Variants in MPLKIP observed in about 807,000 individuals in gnomAD.
MPLKIP encodes M-phase-specific PLK1-interacting protein.
MPLKIP carries 16 observed loss-of-function variants against 16.9 expected under a neutral mutation model. That is an observed-to-expected ratio of 0.94 (90% CI 0.64 to 1.43). The LOEUF (loss-of-function observed/expected upper bound fraction) is 1.43. Among genes scored for constraint, MPLKIP ranks in the 40% most tolerant of loss-of-function variants. MPLKIP has a pLI of 0.00. For missense variants in MPLKIP, 282 were observed against 237.6 expected, an observed-to-expected ratio of 1.19 and a Z score of -1.23; for synonymous variants, 126 against 98.4, an observed-to-expected ratio of 1.28 and a Z score of -1.66.
In MPLKIP at chr7:40,131,558, C is replaced by T. The variant is rs1022407970; in HGVS notation, c.*1501G>A. ...ACTAAAAATACTAAAAATACATGTT[C>T]TGGGCTGGGCACGGTGGCTCATGCC... On this transcript the variant is annotated 3_prime_UTR_variant, in exon 2 of 2. Transcript: ENST00000306984. 1.3e-5 allele frequency: 2 copies of T among 150,936 alleles called. No individual in the cohort carries two copies. The highest frequency in any genetic ancestry group is 5.0e-5 in the African/African-American group (2 of 40,310). The allele number at this position is 150,936 out of a possible 1,614,324, so 9.3% of individuals were successfully genotyped here.
In MPLKIP at chr7:40,133,160, C is replaced by T; in HGVS notation, c.439G>A (p.Asp147Asn). ...ACTGGTTCTAGGCCAGCCCAAGGAT[C>T]TTCAAGCATTGAAGGCTTGAAATAA... ...ENYFKPSMLE[D>N]PWAGLEPVSV... The change falls in exon 2 of 2, where the codon GAT becomes AAT. Residue 147 changes from aspartate (D) to asparagine (N), a missense_variant. Coordinates refer to ENST00000306984, the MANE Select transcript of MPLKIP (RefSeq NM_138701.4). 1.2e-6 allele frequency: 2 copies of T among 1,613,892 alleles called. No individual in the cohort carries two copies. The highest frequency in any genetic ancestry group is 1.7e-6 in the Non-Finnish European group (2 of 1,179,886).
At position 40,127,107 on chromosome 7, in the gene MPLKIP, T is replaced by C. The variant is rs1041190830; in HGVS notation, c.*5952A>G. ...TTCTATATACCTACTTATATCTAAG[T>C]ATATGTTCTGCTTTTAAGAGTACTA... On this transcript the variant is annotated 3_prime_UTR_variant, in exon 2 of 2. Coordinates refer to ENST00000306984, the MANE Select transcript of MPLKIP (RefSeq NM_138701.4). 1 of 152,110 alleles carries C rather than the reference T, an allele frequency of 6.6e-6. No homozygotes were observed. The highest frequency in any genetic ancestry group is 1.5e-5 in the Non-Finnish European group (1 of 68,028). 9.4% of individuals were successfully genotyped at this position (152,110 alleles called of 1,614,324 possible).
chr7:40,128,596 C>T lies in MPLKIP; in HGVS notation c.*4463G>A, dbSNP rs1787421796. ...GCTACTGAGACAGGAATTGAGATAT[C>T]TTCATCAGGCTCTTTATAATTATCA... On this transcript the variant is annotated 3_prime_UTR_variant, in exon 2 of 2. Transcript: ENST00000306984. 2 of 152,138 alleles carry T rather than the reference C, an allele frequency of 1.3e-5. No individual in the cohort carries two copies. The highest frequency in any genetic ancestry group is 4.1e-4 in the South Asian group (2 of 4,830). 9.4% of individuals were successfully genotyped at this position (152,138 alleles called of 1,614,324 possible). A position where few individuals can be genotyped will look rare whatever the true frequency, so the allele number is the denominator to read the frequency against.
chr7:40,134,086 TA>T, intron 1 of MPLKIP, 142 bp downstream of exon 1: 1 of 920,798 alleles, frequency 1.1e-6, no homozygotes, highest in Non-Finnish European at 1.6e-6. Context: ...TCAACTTCTC[TA>T]AGCCTCAGTT....
chr7:40,134,408 A>C lies in MPLKIP; in HGVS notation c.160T>G (p.Tyr54Asp), dbSNP rs1246636691. ...CCGTACGGCCTAGACCGGGGCCCGT[A>C]CGGCGGCGTGTGGTGCGGACTCCCG... ...GYGSPHHTPPYGPRSRPYGSS... is the reference protein window; with the variant it reads ...GYGSPHHTPPDGPRSRPYGSS... The change falls in exon 1 of 2, where the codon TAC becomes GAC. Residue 54 changes from tyrosine to aspartate, a missense_variant. By Grantham distance (160) the Tyr-to-Asp change is radical (BLOSUM62 -3). Coordinates refer to ENST00000306984, the MANE Select transcript of MPLKIP (RefSeq NM_138701.4). 1.3e-6 allele frequency: 2 copies of C among 1,562,902 alleles called. No individual in the cohort carries two copies. The highest frequency in any genetic ancestry group is 1.7e-6 in the Non-Finnish European group (2 of 1,155,672).
rs569148158 is a variant in MPLKIP at position 40,129,243 on chromosome 7, C to A, written c.*3816G>T. 1 of 145,674 alleles carries A rather than the reference C, an allele frequency of 6.9e-6. No homozygotes were observed. The highest frequency in any genetic ancestry group is 1.5e-5 in the Non-Finnish European group (1 of 67,374). 9.0% of individuals were successfully genotyped at this position (145,674 alleles called of 1,614,324 possible). A position where few individuals can be genotyped will look rare whatever the true frequency, so the allele number is the denominator to read the frequency against. The stretch of plus-strand genomic sequence containing the variant: ...CATCTGAATTCTGAACATCTCCACA[C>A]GGGCCAATATAACTTATTTTTTTTT... On this transcript the variant is annotated 3_prime_UTR_variant, in exon 2 of 2. Transcript: ENST00000306984.
Position 40,134,448 on chromosome 7 carries a change from G to T in MPLKIP, c.120C>A (p.Ser40=), listed in dbSNP as rs769783319. 885 of 1,568,270 alleles carry T rather than the reference G, an allele frequency of 5.6e-4. No individual in the cohort carries two copies. The highest frequency in any genetic ancestry group is 7.4e-4 in the Non-Finnish European group (854 of 1,158,518). ...TPGGGGPRPP[S]PRDGYGSPHH... is the part of the protein sequence containing the mutation. ...GCGGACTCCCGTACCCGTCTCGAGG[G>T]GAGGGCGGCCGTGGTCCGCCCCCGC... The change falls in exon 1 of 2, where the codon TCC becomes TCA. Residue 40 remains serine (S), a synonymous_variant. Coordinates refer to ENST00000306984, the MANE Select transcript of MPLKIP (RefSeq NM_138701.4).
In MPLKIP at chr7:40,134,303, A is replaced by G. The variant is rs1004731080; in HGVS notation, c.265T>C (p.Ser89Pro). 2.6e-6 allele frequency: 4 copies of G among 1,557,064 alleles called. No homozygotes were observed. The Admixed American group carries it at 7.7e-5, about 30-fold the overall frequency. ...GACCCCGCGGGGGACCTGGAGTAGG[A>G]GCCAGGGTAGCCGCCAGGGGACGGA... ...GSPSPGGYPG[S>P]YSRSPAGSQQ... The change falls in exon 1 of 2, where the codon TCC (serine) becomes CCC (proline). Residue 89 changes from serine to proline, a missense_variant. Ser to Pro is a moderately conservative substitution (Grantham distance 74). Coordinates refer to ENST00000306984, the MANE Select transcript of MPLKIP (RefSeq NM_138701.4).
At position 40,130,781 on chromosome 7, in the gene MPLKIP, G is replaced by C. The variant is rs1219250556; in HGVS notation, c.*2278C>G. 1 of 152,116 alleles carries C rather than the reference G, an allele frequency of 6.6e-6. No homozygotes were observed. Among genetic ancestry groups the C allele is most frequent in the African/African-American group, 2.4e-5 (1 of 41,412 alleles). The allele number at this position is 152,116 out of a possible 1,614,324, so 9.4% of individuals were successfully genotyped here. ...ATACATCATGACCTCAACATATCTG[G>C]AAAGACATAATGTTGGGAATAAGGA... is the stretch of plus-strand genomic sequence containing the variant. On this transcript the variant is annotated 3_prime_UTR_variant, in exon 2 of 2. Coordinates refer to ENST00000306984, the MANE Select transcript of MPLKIP (RefSeq NM_138701.4).
Position 40,134,615 on chromosome 7 carries a change from A to G in MPLKIP, c.-48T>C. The G allele has an allele frequency of 6.5e-7, 1 of 1,533,838 alleles. No homozygotes were observed. Among genetic ancestry groups the G allele is most frequent in the Non-Finnish European group, 8.8e-7 (1 of 1,138,550 alleles). On this transcript the variant is annotated 5_prime_UTR_variant, in exon 1 of 2. Coordinates refer to ENST00000306984, the MANE Select transcript of MPLKIP (RefSeq NM_138701.4). The stretch of plus-strand genomic sequence containing the variant: ...CTCGCAGCCGCGTTCTCCCACCGGA[A>G]CTGTATCAACCGGCCCTCCGCAGAG...
intron 1 of MPLKIP, among the ~76,000 whole-genome samples, chr7:40,133,564 T>C (rs2150560533): frequency 6.6e-6 from 1 of 152,344 alleles, no homozygotes; most frequent in East Asian, 1.9e-4. Context: ...CAAGTAATTA[T>C]ATTCAATTTT....
rs1413217360 is a variant in MPLKIP, at chr7:40,131,540, A to C, written c.*1519T>G. The C allele has an allele frequency of 6.6e-6, 1 of 151,556 alleles. No homozygotes were observed. The highest frequency in any genetic ancestry group is 1.9e-4 in the East Asian group (1 of 5,176). 9.4% of individuals were successfully genotyped at this position (151,556 alleles called of 1,614,324 possible). ...CATGGTGAAACTAAAAATACTAAAA[A>C]TACTAAAAATACATGTTCTGGGCTG... On this transcript the variant is annotated 3_prime_UTR_variant, in exon 2 of 2. Coordinates refer to ENST00000306984, the MANE Select transcript of MPLKIP (RefSeq NM_138701.4).
In MPLKIP at chr7:40,133,084, CCTGTGAATGTT is replaced by C. The variant is rs1376619447; in HGVS notation, c.504_514del (p.Thr169GlnfsTer28). 2 of 1,613,474 alleles carry C rather than the reference CCTGTGAATGTT, an allele frequency of 1.2e-6. No homozygotes were observed. The highest frequency in any genetic ancestry group is 1.7e-5 in the Admixed American group (1 of 59,966). On this transcript the variant is annotated frameshift_variant, in exon 2 of 2. Coordinates refer to ENST00000306984, the MANE Select transcript of MPLKIP (RefSeq NM_138701.4). LOFTEE classifies it high-confidence loss of function. The stretch of plus-strand genomic sequence containing the variant: ...TTAACAAAAGTATCTTCCTTTTTTG[CCTGTGAATGTT>C]TGAGTATTGCTGTATTGTTGGCTTA...
chr7:40,133,732 T>C (rs1049540917), intron 1 of MPLKIP, among the ~76,000 whole-genome samples: 4 of 152,024 alleles, frequency 2.6e-5, no homozygotes, highest in South Asian at 2.1e-4. Context: ...AACCACGTAG[T>C]TGCAAGTTGT....
chr7:40,132,180 T>C lies in MPLKIP; in HGVS notation c.*879A>G, dbSNP rs1787472725. 6.6e-6 allele frequency: 1 copy of C among 152,266 alleles called. No individual in the cohort carries two copies. Among genetic ancestry groups the C allele is most frequent in the Non-Finnish European group, 1.5e-5 (1 of 68,058 alleles). 9.4% of individuals were successfully genotyped at this position (152,266 alleles called of 1,614,324 possible). ...TTCAAGGTCACAGAATCCTGTCTCATTATGGTGATGTGTCCATGATTCAAG... is the reference window on the plus strand; with the variant it reads ...TTCAAGGTCACAGAATCCTGTCTCACTATGGTGATGTGTCCATGATTCAAG... On this transcript the variant is annotated 3_prime_UTR_variant, in exon 2 of 2. Coordinates refer to ENST00000306984, the MANE Select transcript of MPLKIP (RefSeq NM_138701.4).
Position 40,134,385 on chromosome 7 carries a change from G to A in MPLKIP, c.183C>T (p.Tyr61=), listed in dbSNP as rs1404765588. The change falls in exon 1 of 2, where the codon TAC becomes TAT. Residue 61 remains tyrosine, a synonymous_variant. Transcript: ENST00000306984. Reference sequence around the variant, plus strand: ...CGTGTCGCGGAGAGTGACTGCTCCCGTACGGCCTAGACCGGGGCCCGTACG... The same window carrying A: ...CGTGTCGCGGAGAGTGACTGCTCCCATACGGCCTAGACCGGGGCCCGTACG... ...TPPYGPRSRP[Y]GSSHSPRHGG... 1.3e-6 allele frequency: 2 copies of A among 1,559,174 alleles called. No homozygotes were observed. The highest frequency in any genetic ancestry group is 1.7e-6 in the Non-Finnish European group (2 of 1,153,092).
chr7:40,128,915 C>CCAA lies in MPLKIP; in HGVS notation c.*4143_*4144insTTG, dbSNP rs1554342326. 1 of 62,372 alleles carries CCAA rather than the reference C, an allele frequency of 1.6e-5. No individual in the cohort carries two copies. The allele number at this position is 62,372 out of a possible 1,614,324, so 3.9% of individuals were successfully genotyped here. ...TGGGTGACAGAACAAGACTTCGTCT[C>CCAA]AAAAAAAAAAAAAAAAAAAAAAGAA... On this transcript the variant is annotated 3_prime_UTR_variant, in exon 2 of 2. Transcript: ENST00000306984.
chr7:40,134,318 C>T lies in MPLKIP; in HGVS notation c.250G>A (p.Gly84Ser), dbSNP rs1787546392. The stretch of plus-strand genomic sequence containing the variant: ...CTGGAGTAGGAGCCAGGGTAGCCGC[C>T]AGGGGACGGAGACCCGAACCGGCCC... Reference protein sequence around the residue: ...PGGRFGSPSPGGYPGSYSRSP... With the variant: ...PGGRFGSPSPSGYPGSYSRSP... Residue 84 changes from glycine to serine, a missense_variant, in exon 1 of 2, where the codon GGC becomes AGC. Transcript: ENST00000306984. 1.3e-6 allele frequency: 2 copies of T among 1,555,306 alleles called. No homozygotes were observed. The highest frequency in any genetic ancestry group is 1.7e-6 in the Non-Finnish European group (2 of 1,149,868).
At chr7:40,133,286 A>C in intron 1 of MPLKIP, 27 bp from the exon 2 acceptor site, 3 of 1,588,646 alleles carry the variant, frequency 1.9e-6, no homozygotes, top group Non-Finnish European at 2.6e-6. Context: ...AGTTAAAAAA[A>C]CACTTAGTAA....
Sources: gnomAD v4.1 joint callset for allele counts (sites outside exome capture counted in the v4.1 genomes callset) on GRCh38, gnomAD v4.1.1 for gene constraint, MANE v1.5 for transcripts, NCBI Gene and HGNC (gene_info 2026-07-23, HGNC 2026-07-21) for gene names.